CHN1: variants seen among roughly 807,000 people sequenced by gnomAD.
The protein encoded by CHN1 is N-chimaerin.
In CHN1, 37 loss-of-function variants were observed where a neutral mutation model predicts 59.5. The ratio of observed to expected loss-of-function variants is 0.62; its 90% CI spans 0.48 to 0.82. The LOEUF (loss-of-function observed/expected upper bound fraction) is 0.82, where lower values mean the gene tolerates loss of function less well. Ranked by LOEUF, CHN1 falls within the 40% of genes least tolerant of loss-of-function variation. The pLI, the probability that CHN1 is intolerant of heterozygous loss-of-function variation, is 0.00. For synonymous variants in CHN1, 206 were observed against 200.4 expected (o/e 1.03, Z -0.24); for missense variants, 469 against 571.0 (o/e 0.82, Z 1.82).
At chr2:174,844,501 C>T (rs1387128005) in intron 7 of CHN1, among the ~76,000 whole-genome samples, 1 of 152,152 alleles carries the variant, frequency 6.6e-6, no homozygotes, top group African/African-American at 2.4e-5. Flanking sequence ...GGTGAGTGGG[C>T]CCGTGGTTAT....
chr2:174,804,732 T>C (rs1324402216), intron 11 of CHN1, among the ~76,000 whole-genome samples: 2 of 152,208 alleles, frequency 1.3e-5, no homozygotes, highest in African/African-American at 4.8e-5. Context: ...GGACGAGGCC[T>C]CTATTAACTG....
At chr2:174,837,279 CA>C (rs1221391124) in intron 7 of CHN1, 3 of 152,148 alleles carry the variant, frequency 2.0e-5, no homozygotes, top group Non-Finnish European at 4.4e-5. Flanking sequence ...AGGCAGAGCA[CA>C]AGCAGAGATC....
rs1219253089 is a variant in CHN1 at position 174,799,738 on chromosome 2, CAA to C, written c.*376_*377del. ...AAACCAATGACATAGACCCCAAAAG[CAA>C]AGTCACAACAGGCTTACTCTGTGAA... On this transcript the variant is annotated 3_prime_UTR_variant, in exon 13 of 13. Coordinates refer to ENST00000409900, the MANE Select transcript of CHN1 (RefSeq NM_001822.7). 1 of 536,698 alleles carries C rather than the reference CAA, an allele frequency of 1.9e-6. No homozygotes were observed. The highest frequency in any genetic ancestry group is 1.9e-5 in the African/African-American group (1 of 53,952). The allele number at this position is 536,698 out of a possible 1,614,324, so 33.2% of individuals were successfully genotyped here.
At chr2:175,004,625 T>C (rs894368272) in intron 1 of CHN1, among the ~76,000 whole-genome samples, 1 of 152,166 alleles carries the variant, frequency 6.6e-6, no homozygotes, top group African/African-American at 2.4e-5. Flanking sequence ...AGAATCTTTG[T>C]GCGTTTGCAA....
intron 5 of CHN1, among the ~76,000 whole-genome samples, chr2:174,895,541 TA>T (rs1175896502): frequency 6.6e-6 from 1 of 152,038 alleles, no homozygotes; most frequent in African/African-American, 2.4e-5. Flanking sequence ...TAATTGCACT[TA>T]AAAATTATTA....
chr2:174,832,762 A>C (rs2105413512), intron 7 of CHN1, among the ~76,000 whole-genome samples: 1 of 152,192 alleles, frequency 6.6e-6, no homozygotes, highest in African/African-American at 2.4e-5. Flanking sequence ...TCATTAGGTG[A>C]ACATTATAGA....
intron 8 of CHN1, among the ~76,000 whole-genome samples, chr2:174,820,820 A>G (rs1183077201): frequency 6.6e-6 from 1 of 152,152 alleles, no homozygotes. Context: ...ACATCACCCA[A>G]TACCTTTACA....
chr2:174,839,897 C>T (rs905349354), intron 7 of CHN1, among the ~76,000 whole-genome samples: 2 of 152,086 alleles, frequency 1.3e-5, no homozygotes, highest in Admixed American at 6.5e-5. Context: ...AGCCACTGCA[C>T]CTGGCCTTAC....
chr2:174,936,306 T>A (rs1689493240), intron 3 of CHN1, among the ~76,000 whole-genome samples: 1 of 152,340 alleles, frequency 6.6e-6, no homozygotes, highest in Admixed American at 6.5e-5. Context: ...GGGGGAAAAG[T>A]GCGTCCACTT....
intron 1 of CHN1, among the ~76,000 whole-genome samples, chr2:174,983,385 G>A (rs1438056341): frequency 6.6e-6 from 1 of 152,038 alleles, no homozygotes; most frequent in African/African-American, 2.4e-5. Flanking sequence ...AGTGTGAGGG[G>A]GATGTGATAA....
chr2:174,908,598 G>A (rs964445061), intron 5 of CHN1, among the ~76,000 whole-genome samples: 6 of 152,036 alleles, frequency 3.9e-5, no homozygotes, highest in African/African-American at 1.4e-4. Flanking sequence ...TTTCTTCTTC[G>A]CAAAATACTT....
At chr2:174,917,527 A>G in intron 4 of CHN1, among the ~76,000 whole-genome samples, 1 of 152,352 alleles carries the variant, frequency 6.6e-6, no homozygotes, top group East Asian at 1.9e-4. Context: ...AGAATTTTAA[A>G]ATTATTTGCA....
At chr2:174,803,038 T>TG (rs373521441) in intron 11 of CHN1, among the ~76,000 whole-genome samples, 14 of 151,824 alleles carry the variant, frequency 9.2e-5, no homozygotes, top group South Asian at 8.4e-4. Flanking sequence ...GAATCCATCT[T>TG]GGGGGGGAAT....
chr2:174,839,117 C>T (rs1052990370), intron 7 of CHN1, among the ~76,000 whole-genome samples: 1 of 151,798 alleles, frequency 6.6e-6, no homozygotes, highest in Non-Finnish European at 1.5e-5. Context: ...AATGCAAATA[C>T]ATTGTGAAAT....
intron 5 of CHN1, among the ~76,000 whole-genome samples, chr2:174,895,727 A>C (rs1688199900): frequency 6.6e-6 from 1 of 152,088 alleles, no homozygotes; most frequent in Non-Finnish European, 1.5e-5. Flanking sequence ...GGCCATCCGA[A>C]AAATTATGCT....
At chr2:174,836,213 TTTTG>T (rs1553476077) in intron 7 of CHN1, among the ~76,000 whole-genome samples, 1 of 152,184 alleles carries the variant, frequency 6.6e-6, no homozygotes, top group Non-Finnish European at 1.5e-5. Context: ...TTAAGAATCA[TTTTG>T]TTTGTGTTCC....
intron 2 of CHN1, among the ~76,000 whole-genome samples, chr2:174,948,569 A>C (rs954863538): frequency 2.6e-5 from 4 of 152,252 alleles, no homozygotes; most frequent in African/African-American, 9.6e-5. Flanking sequence ...AACAGTAGGA[A>C]GTACAAGATA....
rs189024565 is a variant in CHN1 at position 174,836,002 on chromosome 2, G to A, written c.627+10878C>T. Reference sequence around the variant, plus strand: ...AGTAAAAGACTCAAGAAGGCTCCTCGGCAGATCTCCAGAATGCCTTTTGTG... The same window carrying A: ...AGTAAAAGACTCAAGAAGGCTCCTCAGCAGATCTCCAGAATGCCTTTTGTG... On this transcript the variant is annotated intron_variant, in intron 7 of 12. Transcript: ENST00000409900. 2.8e-3 allele frequency among the ~76,000 whole-genome samples: 433 copies of A among 152,204 alleles called. 3 individuals are homozygous for A. The highest frequency in any genetic ancestry group is 0.024 in the Middle Eastern group (7 of 294).
At chr2:174,900,929 G>A (rs1046592370) in intron 5 of CHN1, among the ~76,000 whole-genome samples, 2 of 151,938 alleles carry the variant, frequency 1.3e-5, no homozygotes, top group African/African-American at 4.8e-5. Context: ...GTGTAACCAG[G>A]AAAAATTAAA....
Sources: gnomAD v4.1 joint callset for allele counts (sites outside exome capture counted in the v4.1 genomes callset) on GRCh38, gnomAD v4.1.1 for gene constraint, MANE v1.5 for transcripts, NCBI Gene and HGNC (gene_info 2026-07-23, HGNC 2026-07-21) for gene names.